The following CACNA2D1 variants were observed in gnomAD, a reference collection of about 807,000 sequenced individuals.
The protein encoded by CACNA2D1 is voltage-dependent calcium channel subunit alpha-2/delta-1.
CACNA2D1 carries 53 observed loss-of-function variants against 171.5 expected under a neutral mutation model. The ratio of observed to expected loss-of-function variants is 0.31; its 90% CI spans 0.25 to 0.39. The LOEUF (loss-of-function observed/expected upper bound fraction) is 0.39, where lower values mean the gene tolerates loss of function less well. Ranked by LOEUF, CACNA2D1 falls within the 10% of genes least tolerant of loss-of-function variation. CACNA2D1 has a pLI of 1.00. For synonymous variants in CACNA2D1, 442 were observed against 443.1 expected, an observed-to-expected ratio of 1.00 and a Z score of 0.03; for missense variants, 903 against 1,299.8, an observed-to-expected ratio of 0.69 and a Z score of 4.69.
intron 4 of CACNA2D1, among the ~76,000 whole-genome samples, chr7:82,143,960 C>A (rs962139876): frequency 6.6e-6 from 1 of 152,070 alleles, no homozygotes; most frequent in African/African-American, 2.4e-5. Flanking sequence ...GTTTATTCAC[C>A]CAATCTAATC....
Position 82,041,290 on chromosome 7 carries a change from C to T in CACNA2D1, c.880-3055G>A, listed in dbSNP as rs115899480. On this transcript the variant is annotated intron_variant, in intron 10 of 38. Coordinates refer to ENST00000356860, the MANE Select transcript of CACNA2D1 (RefSeq NM_000722.4). ...AAGAGAGGTAAAAAATAAAGCTCGTCGAAAGGTAGGGACAGATGGATCCAG... is the reference window on the plus strand; with the variant it reads ...AAGAGAGGTAAAAAATAAAGCTCGTTGAAAGGTAGGGACAGATGGATCCAG... Among the ~76,000 whole-genome samples the T allele has an allele frequency of 5.6e-3, 857 of 152,082 alleles. 2 individuals carry two copies. The highest frequency in any genetic ancestry group is 8.4e-3 in the African/African-American group (347 of 41,478).
At chr7:81,988,459 A>T (rs942294858) in intron 21 of CACNA2D1, among the ~76,000 whole-genome samples, 1 of 152,128 alleles carries the variant, frequency 6.6e-6, no homozygotes, top group East Asian at 1.9e-4. Context: ...TCTATTCTAC[A>T]TGCAATCCTA....
At chr7:82,142,420 C>A (rs1278893526) in intron 4 of CACNA2D1, among the ~76,000 whole-genome samples, 1 of 152,132 alleles carries the variant, frequency 6.6e-6, no homozygotes, top group East Asian at 1.9e-4. Context: ...TTGTGAGTGA[C>A]AGCCCCTTGC....
At chr7:82,116,361 A>G (rs1405475493) in intron 6 of CACNA2D1, among the ~76,000 whole-genome samples, 2 of 152,218 alleles carry the variant, frequency 1.3e-5, no homozygotes, top group African/African-American at 4.8e-5. Flanking sequence ...CTAAAAAACA[A>G]CACCTGCGCA....
chr7:82,398,936 TTTCCTTTTGATA>T (rs1200976623), intron 1 of CACNA2D1, among the ~76,000 whole-genome samples: 1 of 151,962 alleles, frequency 6.6e-6, no homozygotes, highest in East Asian at 1.9e-4. Flanking sequence ...TCCATCCTTC[TTTCCTTTTGATA>T]TTCCTTTTAC....
At chr7:82,094,059 T>C (rs1029072368) in intron 6 of CACNA2D1, among the ~76,000 whole-genome samples, 2 of 152,072 alleles carry the variant, frequency 1.3e-5, no homozygotes, top group Non-Finnish European at 2.9e-5. Context: ...AGGGTGATAT[T>C]GTCAATGAGG....
intron 3 of CACNA2D1, among the ~76,000 whole-genome samples, chr7:82,185,501 AGGGGGAGGG>A (rs1797604070): frequency 4.1e-4 from 3 of 7,348 alleles, no homozygotes; most frequent in Non-Finnish European, 7.0e-4. Flanking sequence ...GGGGGAGGGG[AGGGGGAGGG>A]GGAGGAGGGG....
intron 4 of CACNA2D1, among the ~76,000 whole-genome samples, chr7:82,143,961 C>T (rs571118042): frequency 3.7e-4 from 56 of 152,224 alleles, no homozygotes; most frequent in African/African-American, 1.3e-3. Context: ...TTTATTCACC[C>T]AATCTAATCA....
At chr7:81,954,868 T>C (rs1793038075) in intron 38 of CACNA2D1, among the ~76,000 whole-genome samples, 1 of 152,068 alleles carries the variant, frequency 6.6e-6, no homozygotes. Context: ...TGCATAATAA[T>C]AGGAATAATG....
In CACNA2D1 at chr7:81,982,138, C is replaced by T. The variant is rs142697339; in HGVS notation, c.1955+429G>A. ...TACATTGCTTAGCACATAGTAATTG[C>T]TTTTTTTTTTGAGATGGAGTCTCAC... On this transcript the variant is annotated intron_variant, in intron 24 of 38. Coordinates refer to ENST00000356860, the MANE Select transcript of CACNA2D1 (RefSeq NM_000722.4). 1.3e-4 allele frequency among the ~76,000 whole-genome samples: 19 copies of T among 143,538 alleles called. No homozygotes were observed. The East Asian group carries it at 4.0e-3, about 30-fold the overall frequency. The allele number at this position is 143,538 out of a possible 152,430, so 94.2% of individuals were successfully genotyped here.
chr7:82,195,661 A>T (rs767732891), intron 3 of CACNA2D1, among the ~76,000 whole-genome samples: 14 of 103,354 alleles, frequency 1.4e-4, no homozygotes, highest in African/African-American at 2.2e-4. Context: ...TCATGTATTT[A>T]AAAAAAAAAA....
At chr7:82,013,421 C>A in intron 14 of CACNA2D1, 40 bp downstream of exon 14, 4 of 897,648 alleles carry the variant, frequency 4.5e-6, no homozygotes, top group Non-Finnish European at 6.3e-6. Flanking sequence ...ATATCTTTTA[C>A]TTGAAAAAAA....
intron 5 of CACNA2D1, among the ~76,000 whole-genome samples, chr7:82,131,927 C>T (rs1791026724): frequency 1.3e-5 from 2 of 152,084 alleles, no homozygotes; most frequent in Admixed American, 1.3e-4. Context: ...TACTGCAAAA[C>T]TTTTGGTGAG....
chr7:82,085,841 A>G (rs998927788), intron 6 of CACNA2D1, among the ~76,000 whole-genome samples: 6 of 152,176 alleles, frequency 3.9e-5, no homozygotes, highest in African/African-American at 1.4e-4. Flanking sequence ...AGAAGCAATT[A>G]TAATGTAGGA....
chr7:82,246,851 T>C (rs1016878328), intron 3 of CACNA2D1, among the ~76,000 whole-genome samples: 70 of 152,152 alleles, frequency 4.6e-4, no homozygotes, highest in African/African-American at 1.7e-3. Flanking sequence ...CAGTATTGTA[T>C]ATCAACATAT....
chr7:81,972,576 A>C (rs1795390760), intron 25 of CACNA2D1, among the ~76,000 whole-genome samples: 1 of 151,886 alleles, frequency 6.6e-6, no homozygotes, highest in Non-Finnish European at 1.5e-5. Context: ...AGAATAACTG[A>C]AGTGCATATT....
At chr7:82,020,122 T>C (rs1801005087) in intron 12 of CACNA2D1, among the ~76,000 whole-genome samples, 1 of 152,218 alleles carries the variant, frequency 6.6e-6, no homozygotes, top group Non-Finnish European at 1.5e-5. Flanking sequence ...GAAAGTTACT[T>C]GCAGCCTGCA....
intron 2 of CACNA2D1, among the ~76,000 whole-genome samples, chr7:82,347,823 AT>A (rs1361370938): frequency 6.8e-6 from 1 of 148,146 alleles, no homozygotes; most frequent in African/African-American, 2.6e-5. Context: ...TTTCCATTCT[AT>A]TTTGTTATGT....
rs1584614898 is a variant in CACNA2D1 at position 82,066,528 on chromosome 7, A to T, written c.659-4T>A. 7.4e-6 allele frequency: 3 copies of T among 404,628 alleles called. No homozygotes were observed. The highest frequency in any genetic ancestry group is 4.0e-5 in the Admixed American group (1 of 25,204). 25.1% of individuals were successfully genotyped at this position (404,628 alleles called of 1,614,324 possible). A position where few individuals can be genotyped will look rare whatever the true frequency, so the allele number is the denominator to read the frequency against. ...CTATTATCAACCCATGGTGAAGCTAAAAAAAAAAAAAAAAGAGAGATATTA... is the reference window on the plus strand; with the variant it reads ...CTATTATCAACCCATGGTGAAGCTATAAAAAAAAAAAAAAGAGAGATATTA... On this transcript the variant is annotated splice_region_variant and splice_polypyrimidine_tract_variant and intron_variant, in intron 7 of 38. Transcript: ENST00000356860.
Sources: gnomAD v4.1 joint callset for allele counts (sites outside exome capture counted in the v4.1 genomes callset) on GRCh38, gnomAD v4.1.1 for gene constraint, MANE v1.5 for transcripts, NCBI Gene and HGNC (gene_info 2026-07-23, HGNC 2026-07-21) for gene names.